EFR3B: variants seen among roughly 807,000 people sequenced by gnomAD.
EFR3B encodes protein EFR3 homolog B.
EFR3B carries 64 observed loss-of-function variants against 104.7 expected under a neutral mutation model. That is an observed-to-expected ratio of 0.61 (90% CI 0.50 to 0.75). The LOEUF (loss-of-function observed/expected upper bound fraction) is 0.75. Among genes scored for constraint, EFR3B ranks in the 30% least tolerant of loss-of-function variants. The pLI, the probability that EFR3B is intolerant of heterozygous loss-of-function variation, is 0.00. For synonymous variants in EFR3B, 385 were observed against 417.9 expected (o/e 0.92, Z 0.96); for missense variants, 750 against 1,078.5 (o/e 0.70, Z 4.27).
At chr2:25,128,803 A>AT (rs1197590333) in intron 6 of EFR3B, among the ~76,000 whole-genome samples, 1 of 151,404 alleles carries the variant, frequency 6.6e-6, no homozygotes, top group African/African-American at 2.4e-5. Context: ...CTAAAAAAAA[A>AT]TGCAAAAAAA....
intron 4 of EFR3B, among the ~76,000 whole-genome samples, chr2:25,106,602 C>T (rs565769155): frequency 6.6e-5 from 10 of 152,200 alleles, no homozygotes; most frequent in South Asian, 2.1e-4. Flanking sequence ...GGATTATAGG[C>T]GCCTGCCACC....
chr2:25,130,077 C>T lies in EFR3B; in HGVS notation c.738C>T (p.Gly246=), dbSNP rs879248506. 4 of 1,551,818 alleles carry T rather than the reference C, an allele frequency of 2.6e-6. No homozygotes were observed. In the East Asian group the frequency reaches 7.3e-5, roughly 28 times the overall value. The change falls in exon 7 of 23, where the codon GGC becomes GGT. Residue 246 remains glycine (G), a synonymous_variant. Coordinates refer to ENST00000403714, the MANE Select transcript of EFR3B (RefSeq NM_014971.2). The surrounding 1 kb of genome is among the most constrained non-coding windows in gnomAD (Gnocchi z 4.6). Reference sequence around the variant, plus strand: ...AGCTGCTGGGCCGGGCTGCCTTTGGCAACATCAAAAACGCCATCAAGCCTG... The same window carrying T: ...AGCTGCTGGGCCGGGCTGCCTTTGGTAACATCAAAAACGCCATCAAGCCTG... ...LRELLGRAAF[G]NIKNAIKPVL...
At chr2:25,079,206 T>C (rs1668720621) in intron 1 of EFR3B, among the ~76,000 whole-genome samples, 1 of 152,206 alleles carries the variant, frequency 6.6e-6, no homozygotes, top group Admixed American at 6.5e-5. Flanking sequence ...AAATTAAATA[T>C]TTGCCTTAGA....
chr2:25,115,802 C>T (rs1253824397), intron 4 of EFR3B, among the ~76,000 whole-genome samples: 1 of 152,204 alleles, frequency 6.6e-6, no homozygotes, highest in Non-Finnish European at 1.5e-5. Context: ...ACGTGTTAAG[C>T]AGTGAGTGCC....
intron 3 of EFR3B, among the ~76,000 whole-genome samples, chr2:25,102,590 C>T (rs557312011): frequency 2.7e-4 from 41 of 152,096 alleles, no homozygotes; most frequent in African/African-American, 6.8e-4. Context: ...TGGGGAAAAC[C>T]GCCCCCATGA....
At chr2:25,139,399 G>A (rs1269820275) in intron 16 of EFR3B, among the ~76,000 whole-genome samples, 3 of 151,826 alleles carry the variant, frequency 2.0e-5, no homozygotes, top group Non-Finnish European at 2.9e-5. Flanking sequence ...ACAGGGGTTG[G>A]GGGGGGTCTT....
intron 3 of EFR3B, among the ~76,000 whole-genome samples, chr2:25,097,483 T>C (rs1669311433): frequency 6.6e-6 from 1 of 152,174 alleles, no homozygotes; most frequent in South Asian, 2.1e-4. Context: ...TTTGACCATA[T>C]GGACATGAAC....
intron 1 of EFR3B, chr2:25,080,000 G>C: frequency 1.0e-6 from 1 of 993,056 alleles, no homozygotes; most frequent in South Asian, 1.3e-5. Flanking sequence ...CCTCCAAGTC[G>C]TCACAAGCAA....
chr2:25,131,081 T>C lies in EFR3B; in HGVS notation c.850-287T>C, dbSNP rs1179651633. Among the ~76,000 whole-genome samples the C allele has an allele frequency of 6.6e-6, 1 of 152,052 alleles. No homozygotes were observed. The highest frequency in any genetic ancestry group is 2.4e-5 in the African/African-American group (1 of 41,388). ...TCCCGTGGCTCTTGCCGGAAAGACCTGAAGAAATGAAAGGAAGACCCTATT... is the reference window on the plus strand; with the variant it reads ...TCCCGTGGCTCTTGCCGGAAAGACCCGAAGAAATGAAAGGAAGACCCTATT... On this transcript the variant is annotated intron_variant, in intron 8 of 22. Coordinates refer to ENST00000403714, the MANE Select transcript of EFR3B (RefSeq NM_014971.2). This position sits in a 1 kb window ranked among gnomAD's most constrained non-coding sequence, Gnocchi z 7.6.
At chr2:25,135,203 T>G (rs964977949) in intron 12 of EFR3B, among the ~76,000 whole-genome samples, 1 of 152,184 alleles carries the variant, frequency 6.6e-6, no homozygotes, top group Non-Finnish European at 1.5e-5. Flanking sequence ...CCTCCAGGGC[T>G]CATCCCTTGC....
chr2:25,103,545 G>A (rs1669480639), intron 3 of EFR3B, 92 bp from the exon 4 acceptor site: 9 of 1,472,974 alleles, frequency 6.1e-6, no homozygotes, highest in Non-Finnish European at 8.2e-6. Flanking sequence ...ATGCTGCATT[G>A]CCCAGGTCAC....
intron 17 of EFR3B, among the ~76,000 whole-genome samples, chr2:25,143,157 G>A (rs1055101920): frequency 6.6e-6 from 1 of 151,798 alleles, no homozygotes; most frequent in African/African-American, 2.4e-5. Context: ...TGGAGCTTGC[G>A]GTGAGCAGAG....
At chr2:25,049,581 T>C in intron 1 of EFR3B, among the ~76,000 whole-genome samples, 1 of 152,238 alleles carries the variant, frequency 6.6e-6, no homozygotes, top group African/African-American at 2.4e-5. Flanking sequence ...TCATCAGATG[T>C]TCAACCAGCA....
At chr2:25,147,276 C>T (rs1343371602) in intron 19 of EFR3B, 1 of 152,208 alleles carries the variant, frequency 6.6e-6, no homozygotes, top group Non-Finnish European at 1.5e-5. Flanking sequence ...CAATGTTGCT[C>T]GGTGCTGACA....
chr2:25,081,043 C>A (rs1419453335), intron 1 of EFR3B: 3 of 745,328 alleles, frequency 4.0e-6, no homozygotes, highest in Non-Finnish European at 7.5e-6. Flanking sequence ...TTGACACCAC[C>A]ATGTGAACTT....
At chr2:25,099,217 C>T (rs1669365155) in intron 3 of EFR3B, among the ~76,000 whole-genome samples, 1 of 152,136 alleles carries the variant, frequency 6.6e-6, no homozygotes, top group South Asian at 2.1e-4. Context: ...TCAGTCTCTA[C>T]ACAGTGGACC....
Position 25,042,692 on chromosome 2 carries a change from G to C in EFR3B, c.7+373G>C, listed in dbSNP as rs1330317013. On this transcript the variant is annotated intron_variant, in intron 1 of 22. Coordinates refer to ENST00000403714, the MANE Select transcript of EFR3B (RefSeq NM_014971.2). The surrounding 1 kb of genome is among the most constrained non-coding windows in gnomAD (Gnocchi z 5.4). ...GTTTGTGCCTGGGAGTTTTCTGTGGGAAGCCGGTCCAGGGCTGAGGGAGAC... is the reference window on the plus strand; with the variant it reads ...GTTTGTGCCTGGGAGTTTTCTGTGGCAAGCCGGTCCAGGGCTGAGGGAGAC... 9.9e-7 allele frequency: 1 copy of C among 1,013,282 alleles called. No homozygotes were observed. Among genetic ancestry groups the C allele is most frequent in the African/African-American group, 1.7e-5 (1 of 58,278 alleles). 62.8% of individuals were successfully genotyped at this position (1,013,282 alleles called of 1,614,324 possible).
intron 5 of EFR3B, among the ~76,000 whole-genome samples, chr2:25,125,890 G>A (rs1368210680): frequency 1.3e-5 from 2 of 152,210 alleles, no homozygotes; most frequent in African/African-American, 4.8e-5. Context: ...GGAGGTTGCT[G>A]TGAGCCGAGA....
chr2:25,058,070 C>T (rs1250891544), intron 1 of EFR3B: 2 of 151,940 alleles, frequency 1.3e-5, no homozygotes, highest in Non-Finnish European at 2.9e-5. Context: ...CCAGCTACTC[C>T]AGATGCTGAG....
Sources: allele counts gnomAD v4.1 joint callset (sites outside exome capture counted in the v4.1 genomes callset), GRCh38; gene constraint gnomAD v4.1.1; non-coding constraint Gnocchi (gnomAD v3.1); transcripts MANE v1.5; gene names NCBI Gene and HGNC (gene_info 2026-07-23, HGNC 2026-07-21).